FNDC3B: variants seen among roughly 807,000 people sequenced by gnomAD.
FNDC3B encodes the protein fibronectin type III domain-containing protein 3B.
Under a neutral mutation model 151.5 loss-of-function variants are expected in FNDC3B, and 12 were observed. That is an observed-to-expected ratio of 0.08 (90% CI 0.05 to 0.13). The LOEUF (loss-of-function observed/expected upper bound fraction) is 0.13, where lower values mean the gene tolerates loss of function less well. FNDC3B is among the 10% of genes least tolerant of loss of function. The pLI, the probability that FNDC3B is intolerant of heterozygous loss-of-function variation, is 1.00. For missense variants in FNDC3B, 1,214 were observed against 1,505.3 expected (o/e 0.81, Z 3.20); for synonymous variants, 528 against 549.0 (o/e 0.96, Z 0.54).
intron 6 of FNDC3B, among the ~76,000 whole-genome samples, chr3:172,278,111 A>G (rs1162744076): frequency 6.6e-6 from 1 of 152,258 alleles, no homozygotes; most frequent in Admixed American, 6.5e-5. Flanking sequence ...ATGTGGATGT[A>G]AACACTGTTC....
chr3:172,099,557 C>T (rs1719273698), intron 1 of FNDC3B, among the ~76,000 whole-genome samples: 2 of 152,104 alleles, frequency 1.3e-5, no homozygotes, highest in African/African-American at 4.8e-5. Context: ...TCTAACAGGC[C>T]TGGATTTATG....
intron 2 of FNDC3B, among the ~76,000 whole-genome samples, chr3:172,120,606 T>A (rs542187464): frequency 3.9e-5 from 6 of 152,250 alleles, no homozygotes; most frequent in African/African-American, 1.4e-4. Flanking sequence ...TTTGTTTTTT[T>A]ACCTTTAGTT....
chr3:172,171,240 A>G (rs1723265934), intron 3 of FNDC3B, among the ~76,000 whole-genome samples: 2 of 152,260 alleles, frequency 1.3e-5, no homozygotes, highest in South Asian at 2.1e-4. Context: ...ATAGGCTTGG[A>G]AAGTGCTGAT....
intron 14 of FNDC3B, among the ~76,000 whole-genome samples, chr3:172,333,488 A>ATTTTTTTTTT (rs748224819): frequency 2.9e-5 from 3 of 102,830 alleles, no homozygotes; most frequent in Non-Finnish European, 3.7e-5. Context: ...TGCCCGGCTA[A>ATTTTTTTTTT]TTTTTTTTTT....
chr3:172,247,869 A>G, intron 5 of FNDC3B, 93 bp downstream of exon 5: 2 of 1,392,080 alleles, frequency 1.4e-6, no homozygotes, highest in Non-Finnish European at 2.0e-6. Context: ...TGAAATAAGC[A>G]TAGTAGAAAA....
chr3:172,366,227 A>G (rs766371158), intron 23 of FNDC3B, among the ~76,000 whole-genome samples: 5 of 152,228 alleles, frequency 3.3e-5, no homozygotes, highest in Admixed American at 6.5e-5. Flanking sequence ...TGAAATGACC[A>G]AGAGATTTAC....
intron 1 of FNDC3B, among the ~76,000 whole-genome samples, chr3:172,047,517 A>G (rs187659214): frequency 1.5e-4 from 23 of 152,314 alleles, no homozygotes; most frequent in Non-Finnish European, 2.6e-4. Flanking sequence ...GGGAAAATCA[A>G]TTTACTTAAA....
intron 25 of FNDC3B, among the ~76,000 whole-genome samples, chr3:172,387,766 A>G (rs1431575295): frequency 1.3e-5 from 2 of 152,188 alleles, no homozygotes; most frequent in Non-Finnish European, 2.9e-5. Flanking sequence ...GGTGTTTTAC[A>G]TTGTGAGGGC....
chr3:172,115,537 G>T (rs1242124353), intron 2 of FNDC3B, among the ~76,000 whole-genome samples: 2 of 152,266 alleles, frequency 1.3e-5, no homozygotes, highest in East Asian at 3.9e-4. Flanking sequence ...TCAGGCTACA[G>T]CAGACATACC....
At chr3:172,372,303 G>A (rs897594724) in intron 23 of FNDC3B, among the ~76,000 whole-genome samples, 2 of 152,170 alleles carry the variant, frequency 1.3e-5, no homozygotes, top group Non-Finnish European at 2.9e-5. Flanking sequence ...AGGCAGCAGG[G>A]GATGGAGGTA....
chr3:172,054,121 C>T (rs1560384638), intron 1 of FNDC3B, among the ~76,000 whole-genome samples: 1 of 152,190 alleles, frequency 6.6e-6, no homozygotes, highest in Non-Finnish European at 1.5e-5. Flanking sequence ...CTATAATTTG[C>T]ACCTGGAAAA....
intron 9 of FNDC3B, among the ~76,000 whole-genome samples, chr3:172,304,762 T>C (rs1407245593): frequency 3.9e-5 from 6 of 152,134 alleles, no homozygotes; most frequent in African/African-American, 1.4e-4. Flanking sequence ...TCAGGCATGA[T>C]GGCAAGTGCC....
rs1726795752 is a variant in FNDC3B at position 172,229,861 on chromosome 3, T to G, written c.264+2914T>G. Among the ~76,000 whole-genome samples, 3 of 152,182 alleles carry G rather than the reference T, an allele frequency of 2.0e-5. 1 individual carries two copies. In the South Asian group the frequency reaches 6.2e-4, roughly 32 times the overall value. On this transcript the variant is annotated intron_variant, in intron 4 of 25. Transcript: ENST00000415807. ...TATACCTGCAAAGAATGAAATGTTC[T>G]GAATGTGTATTTAAAAGAGAGAGGA... is the stretch of plus-strand genomic sequence containing the variant.
At chr3:172,174,929 C>CT (rs1723481604) in intron 3 of FNDC3B, among the ~76,000 whole-genome samples, 1 of 38,136 alleles carries the variant, frequency 2.6e-5, no homozygotes, top group African/African-American at 8.1e-5. Flanking sequence ...ACCTTCCCCC[C>CT]GCCACCCCCC....
chr3:172,313,108 A>G (rs1731602258), intron 11 of FNDC3B, among the ~76,000 whole-genome samples: 1 of 152,042 alleles, frequency 6.6e-6, no homozygotes, highest in African/African-American at 2.4e-5. Flanking sequence ...TCCTGCTGGT[A>G]TCAGCTCTGT....
chr3:172,108,169 A>G (rs1311539637), intron 1 of FNDC3B, among the ~76,000 whole-genome samples: 1 of 141,274 alleles, frequency 7.1e-6, no homozygotes, highest in African/African-American at 3.1e-5. Context: ...CTCTGTCTCA[A>G]AAAAAAGAAA....
intron 11 of FNDC3B, 24 bp from the exon 12 acceptor site, chr3:172,328,928 C>A: frequency 1.3e-6 from 2 of 1,527,542 alleles, no homozygotes; most frequent in African/African-American, 1.4e-5. Context: ...TAAGTATATG[C>A]ATTGTTTCAT....
chr3:172,221,985 G>T (rs1271857254), intron 3 of FNDC3B, among the ~76,000 whole-genome samples: 1 of 152,196 alleles, frequency 6.6e-6, no homozygotes, highest in African/African-American at 2.4e-5. Flanking sequence ...TATTTAAAAA[G>T]ACTGAAGGGT....
chr3:172,359,119 A>G (rs1734250759), intron 22 of FNDC3B, among the ~76,000 whole-genome samples: 1 of 152,116 alleles, frequency 6.6e-6, no homozygotes, highest in Admixed American at 6.6e-5. Context: ...AGAACCTAGT[A>G]CTTACCAAAA....
Sources: allele counts gnomAD v4.1 joint callset (sites outside exome capture counted in the v4.1 genomes callset), GRCh38; gene constraint gnomAD v4.1.1; transcripts MANE v1.5; gene names NCBI Gene and HGNC (gene_info 2026-07-23, HGNC 2026-07-21).